Variants in FMNL2 observed in about 807,000 individuals in gnomAD.
FMNL2 encodes formin like 2, also known as formin-like protein 2.
In FMNL2, 51 loss-of-function variants were observed where a neutral mutation model predicts 130.2. That is an observed-to-expected ratio of 0.39 (90% CI 0.31 to 0.49). The LOEUF (loss-of-function observed/expected upper bound fraction) is 0.49, where lower values mean the gene tolerates loss of function less well. FMNL2 is among the 20% of genes least tolerant of loss of function. The pLI is 0.85. For missense variants in FMNL2, 977 were observed against 1,316.2 expected (o/e 0.74, Z 3.99); for synonymous variants, 465 against 467.1 (o/e 1.00, Z 0.06).
At chr2:152,402,712 A>G (rs1021380231) in intron 1 of FMNL2, among the ~76,000 whole-genome samples, 1 of 152,180 alleles carries the variant, frequency 6.6e-6, no homozygotes, top group Non-Finnish European at 1.5e-5. Context: ...TTTCAGATGT[A>G]TGGGAAAAAT....
chr2:152,436,167 A>C (rs13423608), intron 1 of FMNL2, among the ~76,000 whole-genome samples: 5 of 145,836 alleles, frequency 3.4e-5, no homozygotes, highest in South Asian at 2.2e-4. Flanking sequence ...TGCTTTTTTT[A>C]TTTTTCTTTT....
chr2:152,560,882 G>C lies in FMNL2; in HGVS notation c.444-1G>C. Reference sequence around the variant, plus strand: ...TCAATGGCATTTCTCTTTTGTTTTAGTTTTGACTTTGAAAGTGTGGAGAGT... The same window carrying C: ...TCAATGGCATTTCTCTTTTGTTTTACTTTTGACTTTGAAAGTGTGGAGAGT... On this transcript the variant is annotated splice_acceptor_variant, in intron 5 of 25. Coordinates refer to ENST00000288670, the MANE Select transcript of FMNL2 (RefSeq NM_052905.4). LOFTEE classifies it high-confidence loss of function. 1 of 1,604,982 alleles carries C rather than the reference G, an allele frequency of 6.2e-7. No homozygotes were observed.
intron 2 of FMNL2, among the ~76,000 whole-genome samples, chr2:152,531,372 A>G (rs1376427307): frequency 1.3e-5 from 2 of 152,104 alleles, no homozygotes; most frequent in Admixed American, 1.3e-4. Flanking sequence ...GATTGAAACT[A>G]TTGTTTGCTT....
intron 1 of FMNL2, among the ~76,000 whole-genome samples, chr2:152,345,357 A>G (rs1363135578): frequency 6.6e-6 from 1 of 152,178 alleles, no homozygotes; most frequent in African/African-American, 2.4e-5. Flanking sequence ...AAAAGGAATA[A>G]CATTCTTTTT....
At chr2:152,516,017 A>G (rs1692746199) in intron 1 of FMNL2, among the ~76,000 whole-genome samples, 1 of 152,164 alleles carries the variant, frequency 6.6e-6, no homozygotes, top group Non-Finnish European at 1.5e-5. Context: ...GAGCCCAACT[A>G]GCAAAAACTA....
chr2:152,392,709 T>C (rs1266341312), intron 1 of FMNL2, among the ~76,000 whole-genome samples: 2 of 152,204 alleles, frequency 1.3e-5, no homozygotes, highest in Non-Finnish European at 2.9e-5. Flanking sequence ...ACCATCACTT[T>C]GGCAACACCT....
intron 1 of FMNL2, among the ~76,000 whole-genome samples, chr2:152,518,559 C>G (rs555154244): frequency 9.2e-5 from 14 of 152,278 alleles, no homozygotes; most frequent in African/African-American, 3.4e-4. Flanking sequence ...ATTTATAAAT[C>G]TTATTCTTCA....
chr2:152,501,391 C>T (rs1292720438), intron 1 of FMNL2, among the ~76,000 whole-genome samples: 1 of 152,218 alleles, frequency 6.6e-6, no homozygotes, highest in Admixed American at 6.5e-5. Context: ...GTATCTGACT[C>T]TTCTAAAAGA....
intron 1 of FMNL2, among the ~76,000 whole-genome samples, chr2:152,491,533 GT>G (rs1204317179): frequency 6.6e-6 from 1 of 152,218 alleles, no homozygotes; most frequent in East Asian, 1.9e-4. Flanking sequence ...AAATTTCACT[GT>G]TTTAAATCCC....
At chr2:152,579,717 A>T (rs954643280) in intron 8 of FMNL2, among the ~76,000 whole-genome samples, 3 of 151,872 alleles carry the variant, frequency 2.0e-5, no homozygotes, top group Non-Finnish European at 4.4e-5. Flanking sequence ...AGAAAGAAAG[A>T]AATAGAAAAA....
intron 2 of FMNL2, among the ~76,000 whole-genome samples, chr2:152,531,768 A>G (rs1207631015): frequency 6.6e-6 from 1 of 152,128 alleles, no homozygotes; most frequent in East Asian, 1.9e-4. Flanking sequence ...CCTAAGATAT[A>G]AGATCTAAGG....
At chr2:152,585,905 T>C (rs1481602908) in intron 9 of FMNL2, among the ~76,000 whole-genome samples, 1 of 136,034 alleles carries the variant, frequency 7.4e-6, no homozygotes, top group Non-Finnish European at 1.6e-5. Context: ...TTAAAAAGTG[T>C]CTCCAAAGGT....
intron 1 of FMNL2, among the ~76,000 whole-genome samples, chr2:152,345,179 A>T (rs1160676244): frequency 1.3e-5 from 2 of 152,196 alleles, no homozygotes; most frequent in Non-Finnish European, 2.9e-5. Flanking sequence ...GACTAGATAA[A>T]ACTTTCTAAT....
At chr2:152,521,667 GC>G (rs1693095257) in intron 1 of FMNL2, among the ~76,000 whole-genome samples, 1 of 152,120 alleles carries the variant, frequency 6.6e-6, no homozygotes, top group East Asian at 1.9e-4. Context: ...GTCTGCCAAA[GC>G]GACAAGGCAT....
At chr2:152,630,952 G>A (rs946190548) in intron 20 of FMNL2, among the ~76,000 whole-genome samples, 46 of 152,318 alleles carry the variant, frequency 3.0e-4, no homozygotes, top group Non-Finnish European at 4.4e-5. Flanking sequence ...CATGGGGGCT[G>A]TGATCCAAGA....
Position 152,648,927 on chromosome 2 carries a change from T to C in FMNL2, c.*1022T>C, listed in dbSNP as rs1683846856. ...AAGTTGCTGAAAAGTATTAACATGG[T>C]ATTAAGCTTAAATAATACGTAATGG... is the stretch of plus-strand genomic sequence containing the variant. On this transcript the variant is annotated 3_prime_UTR_variant, in exon 26 of 26. Transcript: ENST00000288670. The C allele has an allele frequency of 6.6e-6, 1 of 152,600 alleles. No individual in the cohort carries two copies. Among genetic ancestry groups the C allele is most frequent in the South Asian group, 2.1e-4 (1 of 4,834 alleles). The allele number at this position is 152,600 out of a possible 1,614,324, so 9.5% of individuals were successfully genotyped here. A position where few individuals can be genotyped will look rare whatever the true frequency, so the allele number is the denominator to read the frequency against.
intron 5 of FMNL2, among the ~76,000 whole-genome samples, chr2:152,559,050 G>C (rs981517811): frequency 6.6e-6 from 1 of 152,162 alleles, no homozygotes; most frequent in Non-Finnish European, 1.5e-5. Context: ...TCTTAAAGGA[G>C]CCCTTATTTT....
intron 4 of FMNL2, 54 bp from the exon 5 acceptor site, chr2:152,558,686 G>A (rs764970701): frequency 9.3e-6 from 14 of 1,500,866 alleles, no homozygotes; most frequent in Non-Finnish European, 1.1e-5. Flanking sequence ...TCCGTTCCAT[G>A]GCAGGTCATG....
chr2:152,597,628 CACT>C (rs1463740204), intron 9 of FMNL2, among the ~76,000 whole-genome samples: 2 of 152,190 alleles, frequency 1.3e-5, no homozygotes, highest in Non-Finnish European at 2.9e-5. Context: ...TGGCAGTATT[CACT>C]CATTGTTCCT....
Sources: gnomAD v4.1 joint callset for allele counts (sites outside exome capture counted in the v4.1 genomes callset) on GRCh38, gnomAD v4.1.1 for gene constraint, MANE v1.5 for transcripts, NCBI Gene and HGNC (gene_info 2026-07-23, HGNC 2026-07-21) for gene names.